The following CHRM3 variants were observed in gnomAD, a reference collection of about 807,000 sequenced individuals.
The protein encoded by CHRM3 is cholinergic receptor muscarinic 3, also known as muscarinic acetylcholine receptor M3.
Under a neutral mutation model 41.8 loss-of-function variants are expected in CHRM3, and 11 were observed. The observed-to-expected ratio is 0.26, with a 90% CI of 0.17 to 0.44. The LOEUF is 0.44. CHRM3 is among the 20% of genes least tolerant of loss of function. The pLI, the probability that CHRM3 is intolerant of heterozygous loss-of-function variation, is 1.00. For synonymous variants in CHRM3, 297 were observed against 301.4 expected (o/e 0.99, Z 0.15); for missense variants, 571 against 745.4 (o/e 0.77, Z 2.72).
chr1:239,844,497 G>C (rs1345768727), intron 6 of CHRM3, among the ~76,000 whole-genome samples: 2 of 152,132 alleles, frequency 1.3e-5, no homozygotes, highest in Non-Finnish European at 2.9e-5. Context: ...CTACATTTAA[G>C]AATAAATTTG....
At chr1:239,898,746 G>A (rs1679224433) in intron 6 of CHRM3, among the ~76,000 whole-genome samples, 1 of 152,094 alleles carries the variant, frequency 6.6e-6, no homozygotes, top group Non-Finnish European at 1.5e-5. Context: ...TTATCTCCTT[G>A]GAATTCATTA....
rs542992711 is a variant in CHRM3 at position 239,588,940 on chromosome 1, C to CT, written c.-313+43203dup. Among the ~76,000 whole-genome samples the CT allele has an allele frequency of 3.9e-3, 567 of 146,030 alleles. 5 individuals are homozygous for CT. In the South Asian group the frequency reaches 0.042, roughly 11 times the overall value. On this transcript the variant is annotated intron_variant, in intron 3 of 6. Coordinates refer to ENST00000676153, the MANE Select transcript of CHRM3 (RefSeq NM_001375978.1). ...TTCATCTTAGTGAGTTATGAAGCATCTTTTTTTTTTTTAGACGGAGTCTCG... is the reference window on the plus strand; with the variant it reads ...TTCATCTTAGTGAGTTATGAAGCATCTTTTTTTTTTTTTAGACGGAGTCTCG...
At position 239,685,929 on chromosome 1, in the gene CHRM3, A is replaced by C. The variant is rs556169175; in HGVS notation, c.-147+7641A>C. 1.3e-5 allele frequency among the ~76,000 whole-genome samples: 2 copies of C among 152,104 alleles called. 1 individual carries two copies. Among genetic ancestry groups the C allele is most frequent in the South Asian group, 4.2e-4 (2 of 4,796 alleles). On this transcript the variant is annotated intron_variant, in intron 5 of 6. Transcript: ENST00000676153. ...CCTGCCATTGTTGCCTTCTCATCTC[A>C]ACTGAATGATGGGCAACAGAGCAAG...
At chr1:239,708,802 G>A (rs955879178) in intron 5 of CHRM3, among the ~76,000 whole-genome samples, 2 of 110,656 alleles carry the variant, frequency 1.8e-5, no homozygotes, top group Non-Finnish European at 3.4e-5. Context: ...ACTTTCTGCT[G>A]ACTCCTTAGT....
chr1:239,854,244 T>C (rs1674926877), intron 6 of CHRM3, among the ~76,000 whole-genome samples: 1 of 152,116 alleles, frequency 6.6e-6, no homozygotes, highest in Non-Finnish European at 1.5e-5. Context: ...GATTTTATTC[T>C]TTAGTCCCTC....
chr1:239,592,832 G>T (rs1456503320), intron 3 of CHRM3, among the ~76,000 whole-genome samples: 1 of 151,756 alleles, frequency 6.6e-6, no homozygotes, highest in Non-Finnish European at 1.5e-5. Flanking sequence ...TTCTCATTCT[G>T]TTGGGTCCAT....
intron 3 of CHRM3, among the ~76,000 whole-genome samples, chr1:239,570,810 C>G (rs185198434): frequency 3.6e-4 from 55 of 152,188 alleles, no homozygotes; most frequent in African/African-American, 1.3e-3. Context: ...TCATGGAGCA[C>G]CTTTACTAGA....
At chr1:239,799,441 C>T (rs377143170) in intron 5 of CHRM3, among the ~76,000 whole-genome samples, 2 of 152,134 alleles carry the variant, frequency 1.3e-5, no homozygotes, top group African/African-American at 4.8e-5. Context: ...ACGCTGTTTT[C>T]GCTCCAGGCA....
chr1:239,549,240 C>T (rs1659579954), intron 3 of CHRM3, among the ~76,000 whole-genome samples: 1 of 152,104 alleles, frequency 6.6e-6, no homozygotes, highest in Admixed American at 6.5e-5. Context: ...ACAGCCAAAC[C>T]ATATCACCTA....
intron 2 of CHRM3, among the ~76,000 whole-genome samples, chr1:239,531,083 A>T (rs1670370893): frequency 6.6e-6 from 1 of 152,166 alleles, no homozygotes; most frequent in African/African-American, 2.4e-5. Flanking sequence ...AAAAATTAAA[A>T]TGTTTATTAG....
chr1:239,684,043 G>C (rs552049571), intron 5 of CHRM3, among the ~76,000 whole-genome samples: 121 of 152,298 alleles, frequency 7.9e-4, no homozygotes, highest in Non-Finnish European at 1.2e-3. Flanking sequence ...CAGGGAATAA[G>C]TAATTCATGT....
At chr1:239,799,806 G>A (rs1456577918) in intron 5 of CHRM3, among the ~76,000 whole-genome samples, 1 of 152,086 alleles carries the variant, frequency 6.6e-6, no homozygotes, top group Non-Finnish European at 1.5e-5. Flanking sequence ...ATACTGAAAA[G>A]CATTTATTCC....
intron 6 of CHRM3, among the ~76,000 whole-genome samples, chr1:239,874,942 G>T (rs962154451): frequency 5.9e-5 from 9 of 151,754 alleles, no homozygotes; most frequent in African/African-American, 1.9e-4. Flanking sequence ...CAGGTGATCC[G>T]CCCACCTCAG....
chr1:239,788,008 C>T (rs1669045527), intron 5 of CHRM3, among the ~76,000 whole-genome samples: 1 of 152,096 alleles, frequency 6.6e-6, no homozygotes, highest in Admixed American at 6.5e-5. Flanking sequence ...GAGGCCAAGG[C>T]AGGAGGATTG....
chr1:239,736,405 A>G (rs1464282999), intron 5 of CHRM3, among the ~76,000 whole-genome samples: 3 of 151,956 alleles, frequency 2.0e-5, no homozygotes, highest in Non-Finnish European at 4.4e-5. Flanking sequence ...AATAATAATA[A>G]TATAATAAAA....
At chr1:239,530,207 T>C (rs755873544) in intron 2 of CHRM3, among the ~76,000 whole-genome samples, 1 of 152,082 alleles carries the variant, frequency 6.6e-6, no homozygotes, top group Non-Finnish European at 1.5e-5. Flanking sequence ...CCGGCCCAAA[T>C]TATTTTTTTT....
Position 239,908,365 on chromosome 1 carries a change from G to A in CHRM3, c.914G>A (p.Arg305Lys). The change falls in exon 7 of 7, where the codon AGG (arginine) becomes AAG (lysine). Residue 305 changes from arginine (R) to lysine (K), a missense_variant. By Grantham distance (26) the Arg-to-Lys change is conservative (BLOSUM62 2). This residue lies in a region of CHRM3 where 239 missense variants were observed against 239.6 expected (regional missense o/e 1.00). Coordinates refer to ENST00000676153, the MANE Select transcript of CHRM3 (RefSeq NM_001375978.1). The surrounding 1 kb of genome is among the most constrained non-coding windows in gnomAD (Gnocchi z 7.2). ...CAGCAAAGCATGAAACGCTCCAACA[G>A]GAGGAAGTATGGCCGCTGCCACTTC... Reference protein sequence around the residue: ...LQQQSMKRSNRRKYGRCHFWF... With the variant: ...LQQQSMKRSNKRKYGRCHFWF... 1.2e-6 allele frequency: 2 copies of A among 1,614,084 alleles called. No individual in the cohort carries two copies. Among genetic ancestry groups the A allele is most frequent in the Non-Finnish European group, 1.7e-6 (2 of 1,180,036 alleles).
chr1:239,765,856 G>A (rs1667161493), intron 5 of CHRM3, among the ~76,000 whole-genome samples: 1 of 138,128 alleles, frequency 7.2e-6, no homozygotes, highest in African/African-American at 2.8e-5. Context: ...CGCTCTTGTT[G>A]CCCAGGCTGG....
At chr1:239,645,113 C>T (rs560946413) in intron 4 of CHRM3, among the ~76,000 whole-genome samples, 27 of 152,298 alleles carry the variant, frequency 1.8e-4, no homozygotes, top group Non-Finnish European at 3.2e-4. Context: ...CGCCCTCAGC[C>T]GTGCTTAGAG....
Sources: allele counts gnomAD v4.1 joint callset (sites outside exome capture counted in the v4.1 genomes callset), GRCh38; gene constraint gnomAD v4.1.1; regional missense constraint gnomAD v4.1.1; non-coding constraint Gnocchi (gnomAD v3.1); transcripts MANE v1.5; gene names NCBI Gene and HGNC (gene_info 2026-07-23, HGNC 2026-07-21).